Variants in SMG1 observed in about 807,000 individuals in gnomAD.
The protein encoded by SMG1 is serine/threonine-protein kinase SMG1.
SMG1 carries 22 observed loss-of-function variants against 419.9 expected under a neutral mutation model. The observed-to-expected ratio is 0.05, with a 90% CI of 0.04 to 0.07. The LOEUF is 0.07. Among genes scored for constraint, SMG1 ranks in the 10% least tolerant of loss-of-function variants. The pLI, the probability that SMG1 is intolerant of heterozygous loss-of-function variation, is 1.00. For missense variants in SMG1, 3,185 were observed against 4,342.0 expected, an observed-to-expected ratio of 0.73 and a Z score of 7.49; for synonymous variants, 1,538 against 1,553.5, an observed-to-expected ratio of 0.99 and a Z score of 0.23.
chr16:18,815,349 C>CA, intron 59 of SMG1, 68 bp from the exon 60 acceptor site: 1 of 1,555,078 alleles, frequency 6.4e-7, no homozygotes, highest in Non-Finnish European at 8.8e-7. Context: ...AAAATATGAA[C>CA]AAAACTGAAA....
At chr16:18,879,269 C>T in intron 11 of SMG1, 1 of 520,692 alleles carries the variant, frequency 1.9e-6, no homozygotes, top group Non-Finnish European at 3.5e-6. Flanking sequence ...GTGCACGCCA[C>T]TACACCAAGC....
intron 56 of SMG1, among the ~76,000 whole-genome samples, chr16:18,818,267 C>A (rs976426232): frequency 6.6e-6 from 1 of 152,088 alleles, no homozygotes; most frequent in Admixed American, 6.6e-5. Context: ...TGCCTGTAAT[C>A]CCAGCTACTT....
At chr16:18,846,564 G>T (rs2034279668) in intron 38 of SMG1, among the ~76,000 whole-genome samples, 1 of 152,040 alleles carries the variant, frequency 6.6e-6, no homozygotes, top group Non-Finnish European at 1.5e-5. Flanking sequence ...ATGGGCAAAG[G>T]ACTTGTAATG....
At chr16:18,896,751 G>C in intron 2 of SMG1, 42 bp downstream of exon 2, 1 of 1,491,694 alleles carries the variant, frequency 6.7e-7, no homozygotes, top group Non-Finnish European at 9.3e-7. Flanking sequence ...GAGACAGGTA[G>C]GTTCAAAAAA....
At chr16:18,809,707 T>TG in intron 62 of SMG1, 61 bp from the exon 63 acceptor site, 15 of 1,342,042 alleles carry the variant, frequency 1.1e-5, no homozygotes, top group Non-Finnish European at 1.5e-5. Flanking sequence ...GTCTGCTGAA[T>TG]TACAATCAGC....
intron 41 of SMG1, 65 bp downstream of exon 41, chr16:18,841,500 G>C: frequency 6.8e-7 from 1 of 1,477,836 alleles, no homozygotes; most frequent in Non-Finnish European, 9.4e-7. Context: ...GGTCCAGTAA[G>C]TCTACAAGTA....
In SMG1 at chr16:18,926,169, A is replaced by T; in HGVS notation, c.-128T>A. On this transcript the variant is annotated 5_prime_UTR_variant, in exon 1 of 63. Coordinates refer to ENST00000446231, the MANE Select transcript of SMG1 (RefSeq NM_015092.5). ...GAGGAAGCCGAGAAGGAGGAGGAGG[A>T]GGAGGAGGAGGAGAAGGAGGAGGCG... The T allele has an allele frequency of 1.3e-6, 1 of 755,354 alleles. No individual in the cohort carries two copies. The highest frequency in any genetic ancestry group is 2.0e-6 in the Non-Finnish European group (1 of 494,538). The allele number at this position is 755,354 out of a possible 1,614,324, so 46.8% of individuals were successfully genotyped here. A position where few individuals can be genotyped will look rare whatever the true frequency, so the allele number is the denominator to read the frequency against.
In SMG1 at chr16:18,853,755, G is replaced by A. The variant is rs780864002; in HGVS notation, c.4596C>T (p.Ile1532=). 1.2e-6 allele frequency: 2 copies of A among 1,613,730 alleles called. No homozygotes were observed. The highest frequency in any genetic ancestry group is 2.7e-5 in the African/African-American group (2 of 74,890). The change falls in exon 31 of 63, where the codon ATC becomes ATT. Residue 1532 remains isoleucine (I), a synonymous_variant. Coordinates refer to ENST00000446231, the MANE Select transcript of SMG1 (RefSeq NM_015092.5). Reference sequence around the variant, plus strand: ...CTGAAATCTCTTTCCATTCTGCCTGGATCCATTTAGCCAGTGTCAGAATTG... The same window carrying A: ...CTGAAATCTCTTTCCATTCTGCCTGAATCCATTTAGCCAGTGTCAGAATTG... ...AKSILTLAKW[I]QAEWKEISGQ... is the part of the protein sequence containing the mutation.
intron 1 of SMG1, among the ~76,000 whole-genome samples, chr16:18,912,201 T>A (rs569372582): frequency 1.2e-3 from 178 of 150,870 alleles, no homozygotes; most frequent in African/African-American, 4.1e-3. Context: ...TTTTTTTTTT[T>A]GAAAAAGAAA....
At chr16:18,904,496 C>T (rs891585372) in intron 1 of SMG1, among the ~76,000 whole-genome samples, 12 of 150,840 alleles carry the variant, frequency 8.0e-5, no homozygotes, top group African/African-American at 2.4e-4. Context: ...AAATTACCTG[C>T]GTGTGGTGGC....
At chr16:18,881,033 A>T (rs1357532500) in intron 10 of SMG1, among the ~76,000 whole-genome samples, 1 of 151,288 alleles carries the variant, frequency 6.6e-6, no homozygotes, top group African/African-American at 2.4e-5. Flanking sequence ...TGGGAGGTTC[A>T]TATGGGCCCA....
At chr16:18,888,688 G>T (rs904736206) in intron 6 of SMG1, among the ~76,000 whole-genome samples, 1 of 151,672 alleles carries the variant, frequency 6.6e-6, no homozygotes. Flanking sequence ...GGATGGTTTC[G>T]ATCTCTTGAC....
chr16:18,864,487 C>T lies in SMG1; in HGVS notation c.3351-343G>A, dbSNP rs536295170. Among the ~76,000 whole-genome samples the T allele has an allele frequency of 2.3e-3, 343 of 152,074 alleles. 1 individual carries two copies. Among genetic ancestry groups the T allele is most frequent in the African/African-American group, 7.9e-3 (329 of 41,478 alleles). On this transcript the variant is annotated intron_variant, in intron 23 of 62. Transcript: ENST00000446231. The stretch of plus-strand genomic sequence containing the variant: ...TGCTGGGATTATGGGCATGAGCCAC[C>T]GCGCCTGGCCTTTACTTACTTATTT...
Position 18,885,630 on chromosome 16 carries a change from C to T in SMG1, c.859G>A (p.Val287Met). ...MTSLQSILEN[V>M]DTPELLCKCV... ...TTACAAAGCAATTCTGGTGTATCCA[C>T]ATTTTCAAGAATAGACTGCAGGCTG... Residue 287 changes from valine to methionine, a missense_variant, in exon 7 of 63, where the codon GTG (valine) becomes ATG (methionine). Coordinates refer to ENST00000446231, the MANE Select transcript of SMG1 (RefSeq NM_015092.5). 1 of 1,596,002 alleles carries T rather than the reference C, an allele frequency of 6.3e-7. No individual in the cohort carries two copies. The highest frequency in any genetic ancestry group is 8.5e-7 in the Non-Finnish European group (1 of 1,179,530).
rs2031064212 is a variant in SMG1 at position 18,808,527 on chromosome 16, T to C, written c.*1042A>G. ...TCTTGGTTTTTAAAAAGGTAAAAGA[T>C]TACACTGGATTAGCTACTTTCTATG... On this transcript the variant is annotated 3_prime_UTR_variant, in exon 63 of 63. Coordinates refer to ENST00000446231, the MANE Select transcript of SMG1 (RefSeq NM_015092.5). 1 of 152,130 alleles carries C rather than the reference T, an allele frequency of 6.6e-6. No homozygotes were observed. Among genetic ancestry groups the C allele is most frequent in the African/African-American group, 2.4e-5 (1 of 41,408 alleles). 9.4% of individuals were successfully genotyped at this position (152,130 alleles called of 1,614,324 possible).
At chr16:18,840,552 A>G (rs1054341921) in intron 41 of SMG1, among the ~76,000 whole-genome samples, 4 of 152,196 alleles carry the variant, frequency 2.6e-5, no homozygotes, top group Non-Finnish European at 5.9e-5. Context: ...TTATCTCAAT[A>G]TCCTAAGAGC....
chr16:18,897,745 G>T (rs1463785616), intron 1 of SMG1, among the ~76,000 whole-genome samples: 1 of 151,986 alleles, frequency 6.6e-6, no homozygotes, highest in East Asian at 1.9e-4. Context: ...AAGTAAAACA[G>T]AGCTGAGTTA....
intron 35 of SMG1, 69 bp downstream of exon 35, chr16:18,849,880 C>T: frequency 6.9e-7 from 1 of 1,453,956 alleles, no homozygotes; most frequent in Non-Finnish European, 9.3e-7. Flanking sequence ...CATAAGGAAA[C>T]CACTTTTTGA....
chr16:18,814,877 CTTTTTTTTTTT>C (rs10582593), intron 60 of SMG1, among the ~76,000 whole-genome samples: 2 of 123,980 alleles, frequency 1.6e-5, no homozygotes, highest in East Asian at 4.8e-4. Flanking sequence ...CTCGCCCGGC[CTTTTTTTTTTT>C]TTTTTTTTTA....
Sources: allele counts gnomAD v4.1 joint callset (sites outside exome capture counted in the v4.1 genomes callset), GRCh38; gene constraint gnomAD v4.1.1; transcripts MANE v1.5; gene names NCBI Gene and HGNC (gene_info 2026-07-23, HGNC 2026-07-21).